The following DENND5B variants were observed in gnomAD, a reference collection of about 807,000 sequenced individuals.
DENND5B encodes the protein DENN domain-containing protein 5B.
Under a neutral mutation model 140.6 loss-of-function variants are expected in DENND5B, and 34 were observed. The ratio of observed to expected loss-of-function variants is 0.24; its 90% confidence interval spans 0.18 to 0.32. The LOEUF is 0.32. Ranked by LOEUF, DENND5B falls within the 10% of genes least tolerant of loss-of-function variation. The probability of loss-of-function intolerance (pLI) is 1.00; values close to 1 mark genes in which losing one functional copy is unlikely to be tolerated. For synonymous variants in DENND5B, 551 were observed against 562.1 expected, an observed-to-expected ratio of 0.98 and a Z score of 0.28; for missense variants, 1,142 against 1,560.2, an observed-to-expected ratio of 0.73 and a Z score of 4.52.
At chr12:31,553,230 T>G (rs1949139223) in intron 1 of DENND5B, among the ~76,000 whole-genome samples, 1 of 152,220 alleles carries the variant, frequency 6.6e-6, no homozygotes, top group African/African-American at 2.4e-5. Flanking sequence ...ACACACTGCT[T>G]TGAATGTGTC....
chr12:31,551,538 C>T (rs952058137), intron 1 of DENND5B, among the ~76,000 whole-genome samples: 3 of 152,114 alleles, frequency 2.0e-5, no homozygotes, highest in Non-Finnish European at 4.4e-5. Flanking sequence ...ATTGACTCGG[C>T]GATGCAGGCT....
chr12:31,555,367 C>G (rs1246593281), intron 1 of DENND5B, among the ~76,000 whole-genome samples: 2 of 152,012 alleles, frequency 1.3e-5, no homozygotes, highest in Non-Finnish European at 2.9e-5. Context: ...TGCAGAACAG[C>G]GGATATTGGT....
intron 1 of DENND5B, among the ~76,000 whole-genome samples, chr12:31,547,982 A>T (rs192310567): frequency 6.6e-6 from 1 of 152,296 alleles, no homozygotes; most frequent in East Asian, 1.9e-4. Flanking sequence ...CTGGGACTGA[A>T]GGTGTGAGCC....
intron 8 of DENND5B, among the ~76,000 whole-genome samples, chr12:31,431,798 T>C (rs142916265): frequency 6.6e-6 from 1 of 152,266 alleles, no homozygotes; most frequent in East Asian, 1.9e-4. Context: ...TCCCACTGAT[T>C]AGAGACCCAA....
intron 1 of DENND5B, among the ~76,000 whole-genome samples, chr12:31,522,806 T>C (rs1439701872): frequency 6.6e-6 from 1 of 152,202 alleles, no homozygotes; most frequent in Non-Finnish European, 1.5e-5. Flanking sequence ...CAGTAAAGTA[T>C]CCATGACAAA....
At chr12:31,515,786 C>T (rs1947614532) in intron 1 of DENND5B, among the ~76,000 whole-genome samples, 1 of 152,166 alleles carries the variant, frequency 6.6e-6, no homozygotes, top group Admixed American at 6.5e-5. Flanking sequence ...ACTCAAAATT[C>T]TGTACTGCCA....
intron 17 of DENND5B, 138 bp from the exon 18 acceptor site, chr12:31,392,834 G>A: frequency 1.3e-6 from 1 of 781,802 alleles, no homozygotes; most frequent in Non-Finnish European, 2.0e-6. Context: ...CATAGAACTT[G>A]CCTCTGGCCT....
Position 31,452,177 on chromosome 12 carries a change from A to G in DENND5B, c.1392T>C (p.Thr464=). The change falls in exon 5 of 21, where the codon ACT becomes ACC. Residue 464 remains threonine, a synonymous_variant. Coordinates refer to ENST00000389082, the MANE Select transcript of DENND5B (RefSeq NM_144973.4). ...GGTCCATTTTTTCCACAGCCACACC[A>G]GTACGCTTGGCCAGAGCCTGCAAGC... ...IARLQALAKR[T]GVAVEKMDLS... The G allele has an allele frequency of 5.0e-6, 8 of 1,613,964 alleles. No homozygotes were observed. The highest frequency in any genetic ancestry group is 6.8e-6 in the Non-Finnish European group (8 of 1,179,872).
At chr12:31,484,524 C>A (rs937491999) in intron 2 of DENND5B, among the ~76,000 whole-genome samples, 1 of 152,052 alleles carries the variant, frequency 6.6e-6, no homozygotes, top group Non-Finnish European at 1.5e-5. Context: ...CATCTTGGAG[C>A]CAGGTGCGGT....
At chr12:31,435,429 G>A (rs549889955) in intron 7 of DENND5B, among the ~76,000 whole-genome samples, 137 of 152,116 alleles carry the variant, frequency 9.0e-4, no homozygotes, top group Non-Finnish European at 1.6e-3. Flanking sequence ...CGCTCCATTA[G>A]TCACCTCCTT....
rs575772513 is a variant in DENND5B, at chr12:31,558,934, G to C, written c.127+31772C>G. The stretch of plus-strand genomic sequence containing the variant: ...AAGACTCTTGACTATCATCTATTCA[G>C]CACCTGGAAGCATTACCTTTTTGTA... On this transcript the variant is annotated intron_variant, in intron 1 of 20. Coordinates refer to ENST00000389082, the MANE Select transcript of DENND5B (RefSeq NM_144973.4). Among the ~76,000 whole-genome samples, 7 of 152,168 alleles carry C rather than the reference G, an allele frequency of 4.6e-5. No individual in the cohort carries two copies. The South Asian group carries it at 1.0e-3, about 22-fold the overall frequency.
At chr12:31,522,870 G>C (rs1947949245) in intron 1 of DENND5B, among the ~76,000 whole-genome samples, 1 of 152,018 alleles carries the variant, frequency 6.6e-6, no homozygotes, top group South Asian at 2.1e-4. Flanking sequence ...CTTATATGCA[G>C]GCTTTGACTT....
At chr12:31,429,701 G>A (rs1172560919) in intron 8 of DENND5B, among the ~76,000 whole-genome samples, 2 of 151,176 alleles carry the variant, frequency 1.3e-5, no homozygotes, top group Non-Finnish European at 2.9e-5. Context: ...AAGCCACCAC[G>A]CCCTGCCTGG....
intron 7 of DENND5B, among the ~76,000 whole-genome samples, chr12:31,436,548 T>C (rs1407187729): frequency 6.6e-6 from 1 of 151,900 alleles, no homozygotes. Flanking sequence ...TTTCTTTTTT[T>C]TTGGAGATAG....
chr12:31,397,982 G>A (rs146292092), intron 17 of DENND5B, among the ~76,000 whole-genome samples, 193 bp downstream of exon 17: 1 of 152,204 alleles, frequency 6.6e-6, no homozygotes, highest in Non-Finnish European at 1.5e-5. Flanking sequence ...AATAAAAACA[G>A]AGCATGCAAG....
At chr12:31,541,592 G>A (rs1948681846) in intron 1 of DENND5B, among the ~76,000 whole-genome samples, 1 of 152,208 alleles carries the variant, frequency 6.6e-6, no homozygotes, top group African/African-American at 2.4e-5. Context: ...CTTGTAGACA[G>A]CTGGTGGGAA....
intron 1 of DENND5B, among the ~76,000 whole-genome samples, chr12:31,564,451 G>A (rs1949565847): frequency 6.6e-6 from 1 of 151,796 alleles, no homozygotes; most frequent in African/African-American, 2.4e-5. Flanking sequence ...GTGCCAGATG[G>A]GTTCACTTGC....
intron 18 of DENND5B, 21 bp from the exon 19 acceptor site, chr12:31,392,414 T>C (rs934817265): frequency 5.6e-6 from 9 of 1,609,062 alleles, no homozygotes; most frequent in Non-Finnish European, 7.6e-6. Context: ...TAACACACAG[T>C]GCCAAAGAAA....
intron 8 of DENND5B, among the ~76,000 whole-genome samples, chr12:31,430,907 C>T (rs548369092): frequency 3.3e-5 from 5 of 152,118 alleles, no homozygotes; most frequent in Non-Finnish European, 5.9e-5. Context: ...ATACAGGGGG[C>T]GGCAAAAGGC....
Sources: gnomAD v4.1 joint callset for allele counts (sites outside exome capture counted in the v4.1 genomes callset) on GRCh38, gnomAD v4.1.1 for gene constraint, MANE v1.5 for transcripts, NCBI Gene and HGNC (gene_info 2026-07-23, HGNC 2026-07-21) for gene names.